The following TCF12 variants were observed in gnomAD, a reference collection of about 807,000 sequenced individuals.
TCF12 encodes the protein transcription factor 12.
Under a neutral mutation model 86.0 loss-of-function variants are expected in TCF12, and 45 were observed. That is an observed-to-expected ratio of 0.52 (90% CI 0.41 to 0.67). TCF12 has a LOEUF of 0.67. Ranked by LOEUF, TCF12 falls within the 30% of genes least tolerant of loss-of-function variation. The pLI, the probability that TCF12 is intolerant of heterozygous loss-of-function variation, is 0.00. For missense variants in TCF12, 881 were observed against 859.9 expected, an observed-to-expected ratio of 1.02 and a Z score of -0.31; for synonymous variants, 330 against 299.6, an observed-to-expected ratio of 1.10 and a Z score of -1.05.
chr15:57,015,102 A>G (rs1489902971), intron 3 of TCF12, among the ~76,000 whole-genome samples: 1 of 151,976 alleles, frequency 6.6e-6, no homozygotes, highest in East Asian at 1.9e-4. Context: ...TAGCCTGGCC[A>G]ACATGGCGAA....
chr15:57,014,741 G>C (rs80228377), intron 3 of TCF12, among the ~76,000 whole-genome samples: 2 of 152,060 alleles, frequency 1.3e-5, no homozygotes, highest in African/African-American at 2.4e-5. Context: ...CTTCTGCAGG[G>C]TTGACAGTCA....
chr15:57,283,542 G>A (rs2061793171), intron 20 of TCF12, among the ~76,000 whole-genome samples: 1 of 152,210 alleles, frequency 6.6e-6, no homozygotes, highest in South Asian at 2.1e-4. Context: ...TAGGATTACA[G>A]GCATGAGCCA....
intron 5 of TCF12, among the ~76,000 whole-genome samples, chr15:57,151,045 C>G (rs1375287016): frequency 6.6e-6 from 1 of 151,414 alleles, no homozygotes; most frequent in East Asian, 1.9e-4. Context: ...GTGGAGCGAT[C>G]ATAGCTCACT....
At chr15:57,124,683 C>CT (rs1350755899) in intron 5 of TCF12, among the ~76,000 whole-genome samples, 41 of 148,804 alleles carry the variant, frequency 2.8e-4, no homozygotes, top group East Asian at 5.9e-4. Flanking sequence ...TTTCTTTTTT[C>CT]TTTTTTTTTT....
At chr15:57,176,056 GGGCATGGT>G (rs1379860256) in intron 6 of TCF12, among the ~76,000 whole-genome samples, 1 of 152,096 alleles carries the variant, frequency 6.6e-6, no homozygotes, top group African/African-American at 2.4e-5. Flanking sequence ...ACCTTAAAAG[GGGCATGGT>G]GTTGCATGCC....
At chr15:57,239,027 A>C (rs2151951764) in intron 12 of TCF12, among the ~76,000 whole-genome samples, 1 of 152,284 alleles carries the variant, frequency 6.6e-6, no homozygotes, top group South Asian at 2.1e-4. Flanking sequence ...AATGAAAAAA[A>C]TATTTTGTTT....
chr15:57,181,507 T>G (rs2056349380), intron 6 of TCF12, among the ~76,000 whole-genome samples: 1 of 152,048 alleles, frequency 6.6e-6, no homozygotes, highest in East Asian at 1.9e-4. Context: ...CCCTACAAAA[T>G]CATATTTAGA....
chr15:57,158,614 G>T (rs1404385715), intron 5 of TCF12, among the ~76,000 whole-genome samples: 2 of 152,218 alleles, frequency 1.3e-5, no homozygotes, highest in Non-Finnish European at 2.9e-5. Context: ...CAGTTCTGAT[G>T]CACATCACAG....
Position 57,197,753 on chromosome 15 carries a change from G to T in TCF12, c.527-20G>T. 2 of 1,613,064 alleles carry T rather than the reference G, an allele frequency of 1.2e-6. No homozygotes were observed. The highest frequency in any genetic ancestry group is 1.7e-6 in the Non-Finnish European group (2 of 1,179,680). ...TTCTGGTATATTATGCTGAAGAAAT[G>T]TATTGTTTTCCATCTGCAGATCCCT... On this transcript the variant is annotated intron_variant, in intron 7 of 20. Coordinates refer to ENST00000333725, the MANE Select transcript of TCF12 (RefSeq NM_207037.2).
chr15:57,247,050 T>C (rs1367606997), intron 13 of TCF12: 1 of 558,104 alleles, frequency 1.8e-6, no homozygotes, highest in Non-Finnish European at 3.5e-6. Flanking sequence ...CATGGGTTCA[T>C]AGTTTGATTG....
Position 56,921,026 on chromosome 15 carries a change from A to G in TCF12, c.76A>G (p.Met26Val). 1 of 1,593,450 alleles carries G rather than the reference A, an allele frequency of 6.3e-7. No individual in the cohort carries two copies. Among genetic ancestry groups the G allele is most frequent in the Non-Finnish European group, 8.5e-7 (1 of 1,169,654 alleles). Residue 26 changes from methionine (M) to valine (V), a missense_variant and splice_region_variant, in exon 3 of 21, where the codon ATG (methionine) becomes GTG (valine). Met to Val is a conservative substitution (Grantham distance 21). Coordinates refer to ENST00000333725, the MANE Select transcript of TCF12 (RefSeq NM_207037.2). The part of the protein sequence containing the change: ...ELSDLLDFSA[M>V]FSPPVNSGKT... ...CAGATATATTTGGGTTATTTTGCAGATGTTTTCCCCACCTGTTAATAGTGG... is the reference window on the plus strand; with the variant it reads ...CAGATATATTTGGGTTATTTTGCAGGTGTTTTCCCCACCTGTTAATAGTGG...
chr15:57,090,434 A>G (rs1337873409), intron 4 of TCF12, among the ~76,000 whole-genome samples: 10 of 152,226 alleles, frequency 6.6e-5, no homozygotes, highest in Admixed American at 3.3e-4. Flanking sequence ...ATTCTGAAGT[A>G]TGTAAAAATG....
chr15:57,280,521 G>A (rs1409747578), intron 19 of TCF12, among the ~76,000 whole-genome samples: 1 of 152,148 alleles, frequency 6.6e-6, no homozygotes, highest in Non-Finnish European at 1.5e-5. Context: ...TTAAAAACTT[G>A]GATGTGAACT....
chr15:57,232,938 G>A (rs1459274043), intron 11 of TCF12, 82 bp downstream of exon 11: 4 of 880,036 alleles, frequency 4.5e-6, no homozygotes, highest in Non-Finnish European at 5.9e-6. Flanking sequence ...ATATATGTAT[G>A]TTTTATATAT....
Position 57,251,209 on chromosome 15 carries a change from G to A in TCF12, c.1115-141G>A, listed in dbSNP as rs141026592. 524 of 558,978 alleles carry A rather than the reference G, an allele frequency of 9.4e-4. 2 individuals are homozygous for A. Among genetic ancestry groups the A allele is most frequent in the African/African-American group, 9.2e-3 (475 of 51,814 alleles). 34.6% of individuals were successfully genotyped at this position (558,978 alleles called of 1,614,324 possible). A position where few individuals can be genotyped will look rare whatever the true frequency, so the allele number is the denominator to read the frequency against. On this transcript the variant is annotated intron_variant, in intron 13 of 20. Transcript: ENST00000333725. Reference sequence around the variant, plus strand: ...TTTTTAAAATGTGTTGGGCTTATAAGTAGCCAATACTATGCTGAAGGCCAA... The same window carrying A: ...TTTTTAAAATGTGTTGGGCTTATAAATAGCCAATACTATGCTGAAGGCCAA...
intron 5 of TCF12, among the ~76,000 whole-genome samples, chr15:57,149,858 G>A (rs2053618249): frequency 6.6e-6 from 1 of 152,198 alleles, no homozygotes; most frequent in Admixed American, 6.5e-5. Context: ...AAATGGGTTT[G>A]CTAGAGAAAG....
chr15:57,219,661 T>G (rs998198601), intron 8 of TCF12: 1 of 1,436,866 alleles, frequency 7.0e-7, no homozygotes, highest in Admixed American at 1.8e-5. Context: ...ACTCGCTTTT[T>G]ACTAAAATCT....
intron 3 of TCF12, among the ~76,000 whole-genome samples, chr15:57,040,687 T>C (rs1313976399): frequency 6.6e-6 from 1 of 152,214 alleles, no homozygotes; most frequent in Non-Finnish European, 1.5e-5. Context: ...ATCGAGAATA[T>C]CTCATGATCA....
rs1240681282 is a variant in TCF12 at position 57,223,813 on chromosome 15, T to C, written c.580-7339T>C. Among the ~76,000 whole-genome samples the C allele has an allele frequency of 2.6e-5, 4 of 151,832 alleles. No individual in the cohort carries two copies. The East Asian group carries it at 7.7e-4, about 29-fold the overall frequency. On this transcript the variant is annotated intron_variant, in intron 8 of 20. Coordinates refer to ENST00000333725, the MANE Select transcript of TCF12 (RefSeq NM_207037.2). ...ATTTCTGTTCTATTGGGGTATTTAT[T>C]GCTAGTTAACATGAGAGAAGAATAT...
Sources: gnomAD v4.1 joint callset for allele counts (sites outside exome capture counted in the v4.1 genomes callset) on GRCh38, gnomAD v4.1.1 for gene constraint, MANE v1.5 for transcripts, NCBI Gene and HGNC (gene_info 2026-07-23, HGNC 2026-07-21) for gene names.